ADAMTSL3: variants seen among roughly 807,000 people sequenced by gnomAD.
ADAMTSL3 encodes ADAMTS-like protein 3.
In ADAMTSL3, 128 loss-of-function variants were observed where a neutral mutation model predicts 201.7. The observed-to-expected ratio is 0.63, with a 90% CI of 0.55 to 0.73. ADAMTSL3 has a LOEUF of 0.73. ADAMTSL3 is among the 30% of genes least tolerant of loss of function. The probability of loss-of-function intolerance (pLI) is 0.00; values close to 1 mark genes in which losing one functional copy is unlikely to be tolerated. For missense variants in ADAMTSL3, 1,990 were observed against 2,119.6 expected (o/e 0.94, Z 1.20); for synonymous variants, 738 against 748.4 (o/e 0.99, Z 0.23).
chr15:83,670,425 A>G (rs1171459865), intron 2 of ADAMTSL3, among the ~76,000 whole-genome samples: 1 of 152,084 alleles, frequency 6.6e-6, no homozygotes, highest in African/African-American at 2.4e-5. Context: ...TTAATCCCCT[A>G]AGTCAGTGGT....
intron 7 of ADAMTSL3, among the ~76,000 whole-genome samples, chr15:83,844,129 T>G (rs1448800922): frequency 6.6e-6 from 1 of 152,214 alleles, no homozygotes; most frequent in Non-Finnish European, 1.5e-5. Context: ...AAGATCGGCT[T>G]GTCTATTCTA....
intron 10 of ADAMTSL3, among the ~76,000 whole-genome samples, chr15:83,886,253 C>T (rs1240959090): frequency 6.6e-6 from 1 of 152,152 alleles, no homozygotes; most frequent in Admixed American, 6.5e-5. Context: ...TAAATGCATG[C>T]AACCCAGGAA....
chr15:83,977,800 A>G (rs185103586), intron 20 of ADAMTSL3, among the ~76,000 whole-genome samples: 1 of 152,344 alleles, frequency 6.6e-6, no homozygotes, highest in Admixed American at 6.5e-5. Flanking sequence ...GAAGAGTAAC[A>G]CAGAAGCAAC....
At chr15:83,996,809 AG>A (rs2067696179) in intron 23 of ADAMTSL3, among the ~76,000 whole-genome samples, 2 of 143,154 alleles carry the variant, frequency 1.4e-5, no homozygotes, top group Admixed American at 1.4e-4. Flanking sequence ...AAAAAAAAAG[AG>A]CAAAAGATAT....
chr15:83,857,308 G>T (rs2064757811), intron 7 of ADAMTSL3, among the ~76,000 whole-genome samples: 4 of 152,092 alleles, frequency 2.6e-5, no homozygotes, highest in Admixed American at 2.6e-4. Context: ...GTGCACAAAG[G>T]TTTGATTTTG....
At chr15:83,982,038 T>C (rs1357905107) in intron 20 of ADAMTSL3, among the ~76,000 whole-genome samples, 1 of 152,210 alleles carries the variant, frequency 6.6e-6, no homozygotes, top group Admixed American at 6.5e-5. Context: ...TTACACATTT[T>C]CATGCACCTC....
intron 19 of ADAMTSL3, among the ~76,000 whole-genome samples, chr15:83,946,598 A>G (rs2142047874): frequency 6.6e-6 from 1 of 152,364 alleles, no homozygotes; most frequent in Admixed American, 6.5e-5. Flanking sequence ...AAGCAAGTAA[A>G]TACTATTCCT....
At chr15:83,953,560 T>C (rs1439422400) in intron 19 of ADAMTSL3, among the ~76,000 whole-genome samples, 2 of 152,224 alleles carry the variant, frequency 1.3e-5, no homozygotes, top group Non-Finnish European at 2.9e-5. Context: ...TACTTAAGAT[T>C]AGTTTTGACA....
chr15:83,913,040 A>T, intron 15 of ADAMTSL3, 52 bp from the exon 16 acceptor site: 2 of 1,575,552 alleles, frequency 1.3e-6, no homozygotes, highest in Non-Finnish European at 8.6e-7. Context: ...TTTCTGGCCT[A>T]TATTTAATGA....
At chr15:83,826,090 C>A (rs539670713) in intron 6 of ADAMTSL3, among the ~76,000 whole-genome samples, 1 of 152,032 alleles carries the variant, frequency 6.6e-6, no homozygotes, top group African/African-American at 2.4e-5. Context: ...TAAATGGAGA[C>A]AAATTCTAAA....
chr15:83,902,452 A>G (rs2065745562), intron 15 of ADAMTSL3, among the ~76,000 whole-genome samples: 1 of 151,964 alleles, frequency 6.6e-6, no homozygotes, highest in South Asian at 2.1e-4. Context: ...TTGTATTTTT[A>G]ATACAGACAG....
intron 2 of ADAMTSL3, among the ~76,000 whole-genome samples, chr15:83,688,180 C>T (rs572591552): frequency 5.8e-4 from 89 of 152,324 alleles, no homozygotes; most frequent in African/African-American, 2.1e-3. Flanking sequence ...CTCTGGCTTA[C>T]AGTCAGGACT....
At chr15:84,021,746 T>G (rs1392182711) in intron 26 of ADAMTSL3, among the ~76,000 whole-genome samples, 153 bp downstream of exon 26, 2 of 152,242 alleles carry the variant, frequency 1.3e-5, no homozygotes, top group Non-Finnish European at 2.9e-5. Context: ...TGGATCACAG[T>G]GTCCTGTGAG....
chr15:83,776,366 G>C (rs62025778), intron 4 of ADAMTSL3, among the ~76,000 whole-genome samples: 1 of 152,094 alleles, frequency 6.6e-6, no homozygotes, highest in Non-Finnish European at 1.5e-5. Context: ...CTGCCTTCAA[G>C]GTTCTTATAT....
At chr15:83,682,864 G>A (rs1000059668) in intron 2 of ADAMTSL3, among the ~76,000 whole-genome samples, 4 of 152,094 alleles carry the variant, frequency 2.6e-5, no homozygotes, top group East Asian at 1.9e-4. Context: ...TTTATAACTC[G>A]TAAAGAAATG....
At chr15:83,738,460 GAAGATTTGTC>G (rs1183519381) in intron 3 of ADAMTSL3, among the ~76,000 whole-genome samples, 1 of 152,128 alleles carries the variant, frequency 6.6e-6, no homozygotes, top group African/African-American at 2.4e-5. Flanking sequence ...AAAATTCTGT[GAAGATTTGTC>G]AAGGCTCTGT....
chr15:83,693,486 G>A (rs376044704), intron 2 of ADAMTSL3, among the ~76,000 whole-genome samples: 4 of 152,258 alleles, frequency 2.6e-5, no homozygotes, highest in South Asian at 4.1e-4. Flanking sequence ...GGACTCCAGC[G>A]TCCTGCAGGT....
At chr15:83,728,703 G>C (rs1287775792) in intron 3 of ADAMTSL3, among the ~76,000 whole-genome samples, 3 of 151,774 alleles carry the variant, frequency 2.0e-5, no homozygotes, top group Non-Finnish European at 4.4e-5. Context: ...TTATTATACT[G>C]TCTATGTCCT....
At chr15:83,931,113 C>G (rs1204694142) in intron 17 of ADAMTSL3, among the ~76,000 whole-genome samples, 1 of 152,124 alleles carries the variant, frequency 6.6e-6, no homozygotes, top group Non-Finnish European at 1.5e-5. Flanking sequence ...TTTGCTTTTT[C>G]CAGGAGAGAG....
Sources: gnomAD v4.1 joint callset for allele counts (sites outside exome capture counted in the v4.1 genomes callset) on GRCh38, gnomAD v4.1.1 for gene constraint, MANE v1.5 for transcripts, NCBI Gene and HGNC (gene_info 2026-07-23, HGNC 2026-07-21) for gene names.